ZDHHC7: variants seen among roughly 807,000 people sequenced by gnomAD.
ZDHHC7 encodes the protein palmitoyltransferase ZDHHC7.
Under a neutral mutation model 34.1 loss-of-function variants are expected in ZDHHC7, and 12 were observed. The ratio of observed to expected loss-of-function variants is 0.35; its 90% CI spans 0.23 to 0.57. The LOEUF is 0.57. ZDHHC7 is among the 20% of genes least tolerant of loss of function. ZDHHC7 has a pLI of 0.84. For synonymous variants in ZDHHC7, 185 were observed against 155.4 expected (o/e 1.19, Z -1.42); for missense variants, 388 against 402.7 (o/e 0.96, Z 0.31).
chr16:84,982,763 G>C (rs73243806), intron 3 of ZDHHC7, among the ~76,000 whole-genome samples: 1 of 152,390 alleles, frequency 6.6e-6, no homozygotes, highest in African/African-American at 2.4e-5. Context: ...AGCGGCATCA[G>C]AAACTTGAAC....
intron 3 of ZDHHC7, chr16:84,988,638 C>G: frequency 1.2e-6 from 1 of 814,346 alleles, no homozygotes; most frequent in East Asian, 2.7e-5. Flanking sequence ...AGCTGGACTG[C>G]TGAGTAGCTG....
At chr16:85,023,450 C>T in the ZDHHC7 span, among the ~76,000 whole-genome samples, 1 of 152,150 alleles carries the variant, frequency 6.6e-6, no homozygotes, top group African/African-American at 2.4e-5. Flanking sequence ...CAGGCATAAG[C>T]CACCACACCT....
chr16:84,995,815 C>T (rs540896960), intron 2 of ZDHHC7, 107 bp downstream of exon 2: 10 of 152,310 alleles, frequency 6.6e-5, no homozygotes, highest in Non-Finnish European at 1.3e-4. Flanking sequence ...CTTGGCACCA[C>T]GCCTCTGCTT....
intron 3 of ZDHHC7, among the ~76,000 whole-genome samples, chr16:84,983,951 CA>C (rs1490628356): frequency 3.6e-5 from 5 of 138,228 alleles, no homozygotes; most frequent in African/African-American, 1.4e-4. Context: ...AAGATCACGC[CA>C]CTGCACTCCA....
intron 3 of ZDHHC7, among the ~76,000 whole-genome samples, chr16:84,988,257 G>A (rs1223778443): frequency 1.3e-5 from 2 of 152,048 alleles, no homozygotes; most frequent in African/African-American, 2.4e-5. Context: ...TGGTGGGGTC[G>A]GGGAACTGGG....
chr16:85,018,320 G>C, the ZDHHC7 span, among the ~76,000 whole-genome samples: 2 of 152,318 alleles, frequency 1.3e-5, no homozygotes, highest in East Asian at 1.9e-4. Flanking sequence ...GGGCAAGGCA[G>C]TGATTCTCAC....
At chr16:85,023,949 G>A in the ZDHHC7 span, among the ~76,000 whole-genome samples, 185 of 151,800 alleles carry the variant, frequency 1.2e-3, no homozygotes, top group African/African-American at 4.4e-3. Context: ...ACAGAGTCTC[G>A]CTCTGTCGCC....
chr16:84,978,224 G>A (rs1390354534), intron 5 of ZDHHC7: 3 of 400,822 alleles, frequency 7.5e-6, no homozygotes, highest in African/African-American at 6.3e-5. Flanking sequence ...GTAGAGATGG[G>A]GTTTCACCAT....
At chr16:85,023,155 TTTTC>T in the ZDHHC7 span, among the ~76,000 whole-genome samples, 34 of 151,612 alleles carry the variant, frequency 2.2e-4, no homozygotes, top group South Asian at 2.1e-3. Flanking sequence ...TATGGTTTTC[TTTTC>T]TTTCTTTTCT....
rs184194224 is a variant in ZDHHC7, at chr16:84,994,907, C to G, written c.-18+1015G>C. Among the ~76,000 whole-genome samples, 3 of 152,308 alleles carry G rather than the reference C, an allele frequency of 2.0e-5. No homozygotes were observed. The East Asian group carries it at 5.8e-4, about 29-fold the overall frequency. Reference sequence around the variant, plus strand: ...AGCTCTCAGTAACACAGTGCACTCACTCGTGTCTCTGAGTCACTGTATTTA... The same window carrying G: ...AGCTCTCAGTAACACAGTGCACTCAGTCGTGTCTCTGAGTCACTGTATTTA... On this transcript the variant is annotated intron_variant, in intron 2 of 7. Transcript: ENST00000313732.
chr16:84,997,499 C>T (rs2072595450), intron 1 of ZDHHC7, among the ~76,000 whole-genome samples: 1 of 150,404 alleles, frequency 6.6e-6, no homozygotes, highest in Non-Finnish European at 1.5e-5. Context: ...TCTCGATCTC[C>T]TGACCTCGTG....
chr16:85,024,214 G>A, the ZDHHC7 span, among the ~76,000 whole-genome samples: 1 of 150,132 alleles, frequency 6.7e-6, no homozygotes, highest in African/African-American at 2.5e-5. Flanking sequence ...CCCCACACTT[G>A]GTCTCAGAGT....
intron 5 of ZDHHC7, 95 bp from the exon 6 acceptor site, chr16:84,978,100 T>C (rs1016870082): frequency 1.3e-5 from 12 of 947,614 alleles, no homozygotes; most frequent in Non-Finnish European, 1.9e-5. Flanking sequence ...TGCAGCGGCG[T>C]AGTCTCAGCT....
At chr16:84,999,402 A>G (rs1181898838) in intron 1 of ZDHHC7, among the ~76,000 whole-genome samples, 2 of 152,328 alleles carry the variant, frequency 1.3e-5, no homozygotes, top group East Asian at 1.9e-4. Flanking sequence ...ATATGAACAC[A>G]AAAACTTGTC....
the ZDHHC7 span, among the ~76,000 whole-genome samples, chr16:85,026,689 C>T: frequency 2.0e-5 from 3 of 151,552 alleles, no homozygotes; most frequent in Admixed American, 6.6e-5. Flanking sequence ...CTTGTTTCTC[C>T]TGCATAACTC....
At chr16:84,987,983 C>T (rs1046450460) in intron 3 of ZDHHC7, among the ~76,000 whole-genome samples, 2 of 152,166 alleles carry the variant, frequency 1.3e-5, no homozygotes, top group Non-Finnish European at 2.9e-5. Context: ...TCCTGGCTAA[C>T]ACGGTGAAAC....
the ZDHHC7 span, among the ~76,000 whole-genome samples, chr16:85,023,584 T>C: frequency 3.9e-5 from 6 of 152,184 alleles, no homozygotes; most frequent in African/African-American, 1.4e-4. Flanking sequence ...CTATTTTGTA[T>C]AGTTGTATTT....
At chr16:85,021,630 A>G in the ZDHHC7 span, among the ~76,000 whole-genome samples, 5 of 151,884 alleles carry the variant, frequency 3.3e-5, no homozygotes, top group African/African-American at 1.2e-4. Flanking sequence ...AGGCACGAGA[A>G]TCACTTGAAC....
At chr16:84,986,099 G>A (rs562750044) in intron 3 of ZDHHC7, among the ~76,000 whole-genome samples, 7 of 152,070 alleles carry the variant, frequency 4.6e-5, no homozygotes, top group Admixed American at 3.3e-4. Flanking sequence ...AGATACACAC[G>A]TTTACAAATG....
Sources: gnomAD v4.1 joint callset for allele counts (sites outside exome capture counted in the v4.1 genomes callset) on GRCh38, gnomAD v4.1.1 for gene constraint, MANE v1.5 for transcripts, NCBI Gene and HGNC (gene_info 2026-07-23, HGNC 2026-07-21) for gene names.